DIAPH2: variants seen among roughly 807,000 people sequenced by gnomAD.
DIAPH2 encodes diaphanous related formin 2, also known as protein diaphanous homolog 2.
DIAPH2 carries 35 observed loss-of-function variants against 92.7 expected under a neutral mutation model. The observed-to-expected ratio is 0.38, with a 90% CI of 0.29 to 0.50. The LOEUF is 0.50. Ranked by LOEUF, DIAPH2 falls within the 20% of genes least tolerant of loss-of-function variation. The pLI is 0.94. For synonymous variants in DIAPH2, 301 were observed against 280.4 expected (o/e 1.07, Z -0.73); for missense variants, 701 against 819.5 (o/e 0.86, Z 1.77).
intron 22 of DIAPH2, among the ~76,000 whole-genome samples, chrX:97,229,807 T>C (rs1458808815): frequency 2.2e-5 from 2 of 89,101 alleles, no homozygotes; most frequent in African/African-American, 7.1e-5. Context: ...AGATATAATA[T>C]ATTGTTATTA....
intron 26 of DIAPH2, among the ~76,000 whole-genome samples, chrX:97,479,131 A>G (rs191006324): frequency 1.8e-5 from 2 of 111,262 alleles, no homozygotes; most frequent in African/African-American, 6.5e-5. Context: ...GAAGCAGGAA[A>G]GAATGAACTG....
At chrX:96,927,523 C>T (rs983106270) in intron 9 of DIAPH2, among the ~76,000 whole-genome samples, 6 of 111,130 alleles carry the variant, frequency 5.4e-5, no homozygotes, top group Non-Finnish European at 1.1e-4. Context: ...CTCCCATGTT[C>T]TATATCCCTG....
intron 17 of DIAPH2, among the ~76,000 whole-genome samples, chrX:97,058,819 T>C (rs2066576302): frequency 9.0e-6 from 1 of 111,715 alleles, no homozygotes; most frequent in African/African-American, 3.3e-5. Context: ...AGAGGAGGGA[T>C]TGATGTGGGA....
At chrX:97,589,063 A>G (rs2071499240) in intron 26 of DIAPH2, among the ~76,000 whole-genome samples, 1 of 83,116 alleles carries the variant, frequency 1.2e-5, no homozygotes, top group Non-Finnish European at 2.3e-5. Flanking sequence ...CATGCCTGTA[A>G]TCCTAGCACT....
intron 1 of DIAPH2, among the ~76,000 whole-genome samples, chrX:96,717,226 C>T (rs114488680): frequency 0.034 from 3,786 of 111,342 alleles, 164 homozygotes; most frequent in African/African-American, 0.12. Flanking sequence ...TTTATTGAGA[C>T]TTTGTTTTAT....
intron 17 of DIAPH2, among the ~76,000 whole-genome samples, chrX:97,028,190 C>T (rs1486271450): frequency 1.8e-5 from 2 of 110,788 alleles, no homozygotes; most frequent in Non-Finnish European, 3.8e-5. Context: ...TTATTATTTT[C>T]GTGGCCAATC....
At chrX:96,884,254 C>T in intron 5 of DIAPH2, 3 of 1,068,111 alleles carry the variant, frequency 2.8e-6, no homozygotes, top group Non-Finnish European at 3.8e-6. Context: ...CAAAGCCGTC[C>T]GTGGAGCCCC....
intron 5 of DIAPH2, among the ~76,000 whole-genome samples, chrX:96,909,050 T>G (rs1249219727): frequency 8.9e-6 from 1 of 111,755 alleles, no homozygotes; most frequent in Non-Finnish European, 1.9e-5. Flanking sequence ...TGCCAGTGGT[T>G]CTCAAACTTG....
Position 97,090,298 on chromosome X carries a change from C to CTTTTTT in DIAPH2, c.2248-9365_2248-9360dup, listed in dbSNP as rs760073834. Among the ~76,000 whole-genome samples the CTTTTTT allele has an allele frequency of 3.6e-4, 14 of 38,869 alleles. 3 individuals carry two copies. Among genetic ancestry groups the CTTTTTT allele is most frequent in the African/African-American group, 7.6e-4 (8 of 10,504 alleles). 33.8% of individuals were successfully genotyped at this position (38,869 alleles called of 115,157 possible). On this transcript the variant is annotated intron_variant, in intron 19 of 26. Transcript: ENST00000324765. ...GTGATCCTCTGATTGTCTCTGATCC[C>CTTTTTT]TTTTTTTTTTTTTTTTTTTTTTTTT...
chrX:96,848,860 G>A (rs769379432), intron 4 of DIAPH2, among the ~76,000 whole-genome samples: 2 of 112,102 alleles, frequency 1.8e-5, no homozygotes, highest in African/African-American at 6.5e-5. Context: ...GCACAAGCCT[G>A]TTGGCAGAGA....
At chrX:97,416,592 T>A (rs1490059222) in intron 25 of DIAPH2, among the ~76,000 whole-genome samples, 1 of 111,454 alleles carries the variant, frequency 9.0e-6, no homozygotes, top group African/African-American at 3.3e-5. Flanking sequence ...AGCTCATGAG[T>A]AGGGGAGAAT....
chrX:96,775,358 T>TGC (rs1491011782), intron 4 of DIAPH2, among the ~76,000 whole-genome samples: 7 of 64,345 alleles, frequency 1.1e-4, no homozygotes, highest in African/African-American at 3.0e-4. Flanking sequence ...TGTGCTTGTG[T>TGC]GTGTGTGTGT....
At chrX:96,986,962 G>T (rs1372395042) in intron 17 of DIAPH2, among the ~76,000 whole-genome samples, 1 of 111,740 alleles carries the variant, frequency 8.9e-6, no homozygotes, top group Non-Finnish European at 1.9e-5. Context: ...TTACTAAGCA[G>T]TGATTAAAGA....
At chrX:97,334,998 C>CAAAAAAAAAAAAAAAAAACAAAAAAAAAA (rs746536131) in intron 23 of DIAPH2, among the ~76,000 whole-genome samples, 1 of 31,462 alleles carries the variant, frequency 3.2e-5, no homozygotes, top group Non-Finnish European at 6.1e-5. Flanking sequence ...AAAAACAAAA[C>CAAAAAAAAAAAAAAAAAACAAAAAAAAAA]AAAAAAAAAA....
intron 26 of DIAPH2, among the ~76,000 whole-genome samples, chrX:97,584,045 G>T (rs962651396): frequency 1.2e-4 from 14 of 112,445 alleles, no homozygotes; most frequent in Non-Finnish European, 2.4e-4. Context: ...CGCACGGTGC[G>T]TGCACCCACT....
At chrX:96,967,771 C>A (rs1306792464) in intron 17 of DIAPH2, among the ~76,000 whole-genome samples, 5 of 110,852 alleles carry the variant, frequency 4.5e-5, no homozygotes, top group Non-Finnish European at 9.4e-5. Context: ...TGTATATGTA[C>A]CACATTTTCT....
At chrX:97,362,308 A>G (rs1429859683) in intron 24 of DIAPH2, among the ~76,000 whole-genome samples, 1 of 111,128 alleles carries the variant, frequency 9.0e-6, no homozygotes, top group African/African-American at 3.3e-5. Flanking sequence ...AAGTATCAAT[A>G]TAGCACAAAA....
At chrX:97,185,656 G>A in intron 22 of DIAPH2, among the ~76,000 whole-genome samples, 1 of 101,119 alleles carries the variant, frequency 9.9e-6, no homozygotes. Flanking sequence ...TTTCCATTTT[G>A]TTTACTTTTC....
chrX:96,879,638 G>C (rs1180732813), intron 4 of DIAPH2, among the ~76,000 whole-genome samples: 1 of 110,571 alleles, frequency 9.0e-6, no homozygotes, highest in East Asian at 2.8e-4. Flanking sequence ...TGAAATAATA[G>C]ATGGATAAGG....
Sources: gnomAD v4.1 joint callset for allele counts (sites outside exome capture counted in the v4.1 genomes callset) on GRCh38, gnomAD v4.1.1 for gene constraint, MANE v1.5 for transcripts, NCBI Gene and HGNC (gene_info 2026-07-23, HGNC 2026-07-21) for gene names.